MAPK6: variants seen among roughly 807,000 people sequenced by gnomAD.
MAPK6 encodes ERK-3.
In MAPK6, 19 loss-of-function variants were observed where a neutral mutation model predicts 59.3. The observed-to-expected ratio is 0.32, with a 90% CI of 0.22 to 0.47. MAPK6 has a LOEUF of 0.47. MAPK6 is among the 20% of genes least tolerant of loss of function. The pLI, the probability that MAPK6 is intolerant of heterozygous loss-of-function variation, is 1.00. For missense variants in MAPK6, 724 were observed against 847.9 expected (o/e 0.85, Z 1.81); for synonymous variants, 316 against 290.3 (o/e 1.09, Z -0.90).
At chr15:52,057,486 C>A (rs1029765208) in intron 3 of MAPK6, among the ~76,000 whole-genome samples, 5 of 152,090 alleles carry the variant, frequency 3.3e-5, no homozygotes, top group African/African-American at 1.2e-4. Flanking sequence ...TCCTTTCTTT[C>A]TTCCATATGA....
In MAPK6 at chr15:52,066,426, T is replaced by C. The variant is rs2032423677; in HGVS notation, c.*1426T>C. The C allele has an allele frequency of 6.6e-6, 1 of 152,074 alleles. No homozygotes were observed. The highest frequency in any genetic ancestry group is 1.5e-5 in the Non-Finnish European group (1 of 68,012). 9.4% of individuals were successfully genotyped at this position (152,074 alleles called of 1,614,324 possible). A position where few individuals can be genotyped will look rare whatever the true frequency, so the allele number is the denominator to read the frequency against. ...CATATTAGAATGGAATAAAGCTTTA[T>C]AATATTTCAAAACTGTTAGGTAAAA... On this transcript the variant is annotated 3_prime_UTR_variant, in exon 6 of 6. Coordinates refer to ENST00000261845, the MANE Select transcript of MAPK6 (RefSeq NM_002748.4).
At chr15:52,059,649 C>A (rs960219784) in intron 4 of MAPK6, among the ~76,000 whole-genome samples, 1 of 152,196 alleles carries the variant, frequency 6.6e-6, no homozygotes, top group Non-Finnish European at 1.5e-5. Context: ...CTATTTGAAT[C>A]TTTTTCGTAC....
chr15:52,024,212 A>G (rs1221997686), intron 1 of MAPK6, among the ~76,000 whole-genome samples: 1 of 152,126 alleles, frequency 6.6e-6, no homozygotes, highest in Non-Finnish European at 1.5e-5. Flanking sequence ...ATCTTGCTTC[A>G]TTCATGTACA....
intron 1 of MAPK6, among the ~76,000 whole-genome samples, chr15:52,025,541 G>A (rs1056027068): frequency 2.0e-5 from 3 of 152,154 alleles, no homozygotes; most frequent in Admixed American, 6.5e-5. Context: ...CGTGGCTCAC[G>A]CCTGTAATGC....
At chr15:52,036,271 TC>T (rs1432971983) in intron 1 of MAPK6, among the ~76,000 whole-genome samples, 2 of 152,356 alleles carry the variant, frequency 1.3e-5, no homozygotes, top group Non-Finnish European at 2.9e-5. Context: ...TAGCCACAGA[TC>T]CTGGAGTAGA....
At chr15:52,039,873 T>C (rs1417294284) in intron 1 of MAPK6, among the ~76,000 whole-genome samples, 1 of 152,214 alleles carries the variant, frequency 6.6e-6, no homozygotes, top group African/African-American at 2.4e-5. Flanking sequence ...TGAAAGTTTG[T>C]CTCTGTAGAT....
chr15:52,035,214 G>A (rs2031196259), intron 1 of MAPK6, among the ~76,000 whole-genome samples: 1 of 152,208 alleles, frequency 6.6e-6, no homozygotes, highest in Non-Finnish European at 1.5e-5. Context: ...TCTCAGAGGT[G>A]TTTATTCCAT....
At chr15:52,058,157 T>C (rs2032056243) in intron 3 of MAPK6, among the ~76,000 whole-genome samples, 1 of 152,254 alleles carries the variant, frequency 6.6e-6, no homozygotes, top group African/African-American at 2.4e-5. Context: ...ATTTCTTTCA[T>C]TGCCTAACAA....
intron 1 of MAPK6, among the ~76,000 whole-genome samples, chr15:52,041,085 C>A (rs887231624): frequency 6.6e-6 from 1 of 152,166 alleles, no homozygotes; most frequent in Non-Finnish European, 1.5e-5. Context: ...GAAAGGGTCC[C>A]TTTATGTTAC....
intron 1 of MAPK6, among the ~76,000 whole-genome samples, chr15:52,037,888 T>TAA: frequency 1.3e-5 from 2 of 152,256 alleles, no homozygotes; most frequent in Middle Eastern, 6.8e-3. Context: ...GGTACTATGC[T>TAA]TAGGAAATGT....
chr15:52,031,697 G>A (rs924885090), intron 1 of MAPK6, among the ~76,000 whole-genome samples: 1 of 152,092 alleles, frequency 6.6e-6, no homozygotes, highest in Non-Finnish European at 1.5e-5. Flanking sequence ...GCCGGGTGTG[G>A]CACCTTGCAC....
intron 1 of MAPK6, among the ~76,000 whole-genome samples, chr15:51,975,020 G>A (rs1004382865): frequency 4.0e-5 from 6 of 151,536 alleles, no homozygotes; most frequent in African/African-American, 1.4e-4. Context: ...CCAGGCCTGA[G>A]AATTTCATCT....
At chr15:52,052,410 G>GT (rs1231918014) in intron 3 of MAPK6, among the ~76,000 whole-genome samples, 1 of 152,132 alleles carries the variant, frequency 6.6e-6, no homozygotes, top group African/African-American at 2.4e-5. Context: ...AAGTTGTATT[G>GT]TTATATAATT....
At chr15:52,014,423 G>T (rs2030174266), upstream of MAPK6, among the ~76,000 whole-genome samples, 1 of 151,960 alleles carries the variant, frequency 6.6e-6, no homozygotes, top group Non-Finnish European at 1.5e-5. Context: ...CTGAAATCAG[G>T]ATTTAGCCCA....
Position 52,025,496 on chromosome 15 carries a change from A to T in MAPK6, c.-632+6120A>T, listed in dbSNP as rs533363956. ...ACTTGAGGAATTGAATTTTTTATTT[A>T]ATTTTAATTCCTTTAAATAGTTGGG... On this transcript the variant is annotated intron_variant, in intron 1 of 5. Coordinates refer to ENST00000261845, the MANE Select transcript of MAPK6 (RefSeq NM_002748.4). 2.0e-4 allele frequency among the ~76,000 whole-genome samples: 30 copies of T among 152,358 alleles called. 1 individual carries two copies. The South Asian group carries it at 5.6e-3, about 28-fold the overall frequency.
At chr15:52,025,934 G>GTCCTTTCTTAAT (rs2030755600) in intron 1 of MAPK6, among the ~76,000 whole-genome samples, 1 of 152,172 alleles carries the variant, frequency 6.6e-6, no homozygotes, top group African/African-American at 2.4e-5. Context: ...TGTACAAATT[G>GTCCTTTCTTAAT]GAGAGAGAGT....
chr15:52,010,626 C>T (rs1361252974), intron 3 of MAPK6, among the ~76,000 whole-genome samples: 3 of 148,730 alleles, frequency 2.0e-5, no homozygotes, highest in Admixed American at 6.9e-5. Flanking sequence ...TCAAGCGATT[C>T]TCCTGCCTCA....
chr15:52,040,766 T>C lies in MAPK6; in HGVS notation c.-631-5064T>C, dbSNP rs369563450. Reference sequence around the variant, plus strand: ...AGAGCAGTGCTTGAGCAGACAGTTGTGGCTAATGCAGTTTCAGGGAACTGC... The same window carrying C: ...AGAGCAGTGCTTGAGCAGACAGTTGCGGCTAATGCAGTTTCAGGGAACTGC... On this transcript the variant is annotated intron_variant, in intron 1 of 5. Coordinates refer to ENST00000261845, the MANE Select transcript of MAPK6 (RefSeq NM_002748.4). 2.9e-4 allele frequency among the ~76,000 whole-genome samples: 44 copies of C among 152,298 alleles called. 5 individuals carry two copies. The highest frequency in any genetic ancestry group is 1.9e-3 in the South Asian group (9 of 4,824).
Position 52,064,673 on chromosome 15 carries a change from A to G in MAPK6, c.1839A>G (p.Val613=). The G allele has an allele frequency of 2.5e-6, 4 of 1,611,926 alleles. No individual in the cohort carries two copies. The highest frequency in any genetic ancestry group is 3.4e-6 in the Non-Finnish European group (4 of 1,179,808). The change falls in exon 6 of 6, where the codon GTA becomes GTG. Residue 613 remains valine (V), a synonymous_variant. Transcript: ENST00000261845. The part of the protein sequence containing the change: ...DCFFINQFCE[V]RKDEQVEKEN... ...TTTTCATAAATCAGTTTTGTGAGGTAAGGAAGGATGAACAAGTTGAGAAGG... is the reference window on the plus strand; with the variant it reads ...TTTTCATAAATCAGTTTTGTGAGGTGAGGAAGGATGAACAAGTTGAGAAGG...
Sources: gnomAD v4.1 joint callset for allele counts (sites outside exome capture counted in the v4.1 genomes callset) on GRCh38, gnomAD v4.1.1 for gene constraint, MANE v1.5 for transcripts, NCBI Gene and HGNC (gene_info 2026-07-23, HGNC 2026-07-21) for gene names.